The following PBXIP1 variants were observed in gnomAD, a reference collection of about 807,000 sequenced individuals.
The protein encoded by PBXIP1 is PBX homeobox interacting protein 1.
Under a neutral mutation model 73.7 loss-of-function variants are expected in PBXIP1, and 73 were observed. That is an observed-to-expected ratio of 0.99 (90% confidence interval 0.82 to 1.20). The LOEUF (loss-of-function observed/expected upper bound fraction) is 1.20, where lower values mean the gene tolerates loss of function less well. PBXIP1 is among the 50% of genes most tolerant of loss of function. The pLI, the probability that PBXIP1 is intolerant of heterozygous loss-of-function variation, is 0.00. For missense variants in PBXIP1, 818 were observed against 911.4 expected, an observed-to-expected ratio of 0.90 and a Z score of 1.32; for synonymous variants, 330 against 366.9, an observed-to-expected ratio of 0.90 and a Z score of 1.15.
chr1:154,951,403 G>A lies in PBXIP1; in HGVS notation c.244-6C>T, dbSNP rs1439472509. ...ACATCACCTTCCAGGGTGCCCTAAT[G>A]CAGATGCAGCAGTGAGCAGCTGCTA... On this transcript the variant is annotated splice_polypyrimidine_tract_variant and splice_region_variant and intron_variant, in intron 4 of 10. Coordinates refer to ENST00000368463, the MANE Select transcript of PBXIP1 (RefSeq NM_020524.4). This position sits in a 1 kb window ranked among gnomAD's most constrained non-coding sequence, Gnocchi z 4.3. 3 of 1,614,082 alleles carry A rather than the reference G, an allele frequency of 1.9e-6. No homozygotes were observed. The highest frequency in any genetic ancestry group is 2.5e-6 in the Non-Finnish European group (3 of 1,179,980).
At chr1:154,952,840 C>T (rs1655052371) in intron 2 of PBXIP1, among the ~76,000 whole-genome samples, 1 of 152,110 alleles carries the variant, frequency 6.6e-6, no homozygotes, top group East Asian at 1.9e-4. Context: ...AGTCCATTAT[C>T]TTGCTCCAGC....
chr1:154,946,358 T>C lies in PBXIP1; in HGVS notation c.1316A>G (p.Lys439Arg). 6.2e-7 allele frequency: 1 copy of C among 1,613,738 alleles called. No individual in the cohort carries two copies. Reference protein sequence around the residue: ...LAELGHRLAQKLQGLENWGQD... With the variant: ...LAELGHRLAQRLQGLENWGQD... The stretch of plus-strand genomic sequence containing the variant: ...GCCCCAGTTCTCCAGGCCCTGCAGT[T>C]TCTGGGCCAATCTGTGGCCCAGCTC... Residue 439 changes from lysine (K) to arginine (R), a missense_variant, in exon 10 of 11, where the codon AAA (lysine) becomes AGA (arginine). Transcript: ENST00000368463.
At chr1:154,950,783 CCT>C (rs1375991972) in intron 5 of PBXIP1, among the ~76,000 whole-genome samples, 2 of 152,272 alleles carry the variant, frequency 1.3e-5, no homozygotes, top group African/African-American at 4.8e-5. Context: ...CAACCAGTCC[CCT>C]GACTGAATGG....
chr1:154,946,325 G>C lies in PBXIP1; in HGVS notation c.1349C>G (p.Pro450Arg). 6 of 1,614,148 alleles carry C rather than the reference G, an allele frequency of 3.7e-6. No homozygotes were observed. The highest frequency in any genetic ancestry group is 5.1e-6 in the Non-Finnish European group (6 of 1,180,036). ...CTTTGAGGCATTGGCAGAGACCCCA[G>C]GGTCCTGGCCCCAGTTCTCCAGGCC... The part of the protein sequence containing the change: ...LQGLENWGQD[P>R]GVSANASKAW... The change falls in exon 10 of 11, where the codon CCT (proline) becomes CGT (arginine). Residue 450 changes from proline to arginine, a missense_variant. By Grantham distance (103) the Pro-to-Arg change is moderately radical. Coordinates refer to ENST00000368463, the MANE Select transcript of PBXIP1 (RefSeq NM_020524.4).
Position 154,944,861 on chromosome 1 carries a change from C to T in PBXIP1, c.*163G>A. 1.7e-6 allele frequency: 1 copy of T among 590,304 alleles called. No homozygotes were observed. Among genetic ancestry groups the T allele is most frequent in the South Asian group, 2.1e-5 (1 of 47,692 alleles). The allele number at this position is 590,304 out of a possible 1,614,324, so 36.6% of individuals were successfully genotyped here. On this transcript the variant is annotated 3_prime_UTR_variant, in exon 11 of 11. Transcript: ENST00000368463. Reference sequence around the variant, plus strand: ...ACGCAGGTCCAGCTAAGGCCTTTTTCTACATAAAGTGACATCAGTGCAGGG... The same window carrying T: ...ACGCAGGTCCAGCTAAGGCCTTTTTTTACATAAAGTGACATCAGTGCAGGG...
chr1:154,955,849 A>G (rs1655161615), intron 1 of PBXIP1, among the ~76,000 whole-genome samples: 1 of 152,206 alleles, frequency 6.6e-6, no homozygotes, highest in Non-Finnish European at 1.5e-5. Context: ...AAACTCCTCT[A>G]ACAGTTGCTC....
In PBXIP1 at chr1:154,951,266, G is replaced by C. The variant is rs1342510681; in HGVS notation, c.375C>G (p.Ser125Arg). 1 of 1,614,160 alleles carries C rather than the reference G, an allele frequency of 6.2e-7. No homozygotes were observed. The highest frequency in any genetic ancestry group is 1.7e-5 in the Admixed American group (1 of 60,026). Residue 125 changes from serine to arginine, a missense_variant, in exon 5 of 11, where the codon AGC (serine) becomes AGG (arginine). By Grantham distance (110) the Ser-to-Arg change is moderately radical. Transcript: ENST00000368463. The surrounding 1 kb of genome is among the most constrained non-coding windows in gnomAD (Gnocchi z 4.3). ...GPDTQDLEGQSPPQSLPSTPK... is the reference protein window; with the variant it reads ...GPDTQDLEGQRPPQSLPSTPK... ...GGGTTGAAGGCAGGCTCTGTGGAGGGCTCTGGCCTTCCAGGTCCTGTGTGT... is the reference window on the plus strand; with the variant it reads ...GGGTTGAAGGCAGGCTCTGTGGAGGCCTCTGGCCTTCCAGGTCCTGTGTGT...
In PBXIP1 at chr1:154,947,662, C is replaced by G. The variant is rs771209794; in HGVS notation, c.718G>C (p.Glu240Gln). 1 of 1,614,012 alleles carries G rather than the reference C, an allele frequency of 6.2e-7. No homozygotes were observed. The highest frequency in any genetic ancestry group is 1.7e-5 in the Admixed American group (1 of 60,016). The change falls in exon 8 of 11, where the codon GAA (glutamate) becomes CAA (glutamine). Residue 240 changes from glutamate to glutamine, a missense_variant. By Grantham distance (29) the Glu-to-Gln change is conservative (BLOSUM62 2). Transcript: ENST00000368463. ...CATACCTGCCTGTCCCCCACAGCTTCCAGCACCTCGGGGTCTGGGAGGACC... is the reference window on the plus strand; with the variant it reads ...CATACCTGCCTGTCCCCCACAGCTTGCAGCACCTCGGGGTCTGGGAGGACC... ...RQVLPDPEVL[E>Q]AVGDRQDGLR...
intron 1 of PBXIP1, 145 bp from the exon 2 acceptor site, chr1:154,953,902 C>G (rs1474496457): frequency 5.0e-6 from 3 of 594,496 alleles, no homozygotes; most frequent in Non-Finnish European, 9.0e-6. Flanking sequence ...CTCCCTGACA[C>G]CCCAGCTCTT....
chr1:154,948,339 G>A lies in PBXIP1; in HGVS notation c.437C>T (p.Ser146Phe), dbSNP rs1654902691. Residue 146 changes from serine (S) to phenylalanine (F), a missense_variant, in exon 6 of 11, where the codon TCC becomes TTC. Transcript: ENST00000368463. The part of the protein sequence containing the change: ...AAWIREEGRC[S>F]SSDDDTDVDM... ...CACGTCGGTGTCATCGTCACTGCTG[G>A]AGCAGCGGCCCTCCTCCCTGATCCA... 2 of 1,603,742 alleles carry A rather than the reference G, an allele frequency of 1.2e-6. No homozygotes were observed. The highest frequency in any genetic ancestry group is 1.3e-5 in the African/African-American group (1 of 74,784).
chr1:154,944,668 T>C lies in PBXIP1; in HGVS notation c.*356A>G, dbSNP rs1035612046. 2 of 197,064 alleles carry C rather than the reference T, an allele frequency of 1.0e-5. No homozygotes were observed. Among genetic ancestry groups the C allele is most frequent in the Non-Finnish European group, 2.1e-5 (2 of 95,080 alleles). The allele number at this position is 197,064 out of a possible 1,614,324, so 12.2% of individuals were successfully genotyped here. A position where few individuals can be genotyped will look rare whatever the true frequency, so the allele number is the denominator to read the frequency against. On this transcript the variant is annotated 3_prime_UTR_variant, in exon 11 of 11. Transcript: ENST00000368463. ...AGCATGTGGGTCAAGGGGCCCACTATGGGGACATACACTCAAGAGGATGAA... is the reference window on the plus strand; with the variant it reads ...AGCATGTGGGTCAAGGGGCCCACTACGGGGACATACACTCAAGAGGATGAA...
rs532128527 is a variant in PBXIP1 at position 154,944,080 on chromosome 1, T to G, written c.*944A>C. ...TTGAGTGCCCAAAACAGGAGAGGCATTTTTCTTGCGTTGCTTTTATTTAAT... is the reference window on the plus strand; with the variant it reads ...TTGAGTGCCCAAAACAGGAGAGGCAGTTTTCTTGCGTTGCTTTTATTTAAT... On this transcript the variant is annotated 3_prime_UTR_variant, in exon 11 of 11. Coordinates refer to ENST00000368463, the MANE Select transcript of PBXIP1 (RefSeq NM_020524.4). 42 of 152,334 alleles carry G rather than the reference T, an allele frequency of 2.8e-4. No individual in the cohort carries two copies. Among genetic ancestry groups the G allele is most frequent in the African/African-American group, 8.9e-4 (37 of 41,518 alleles). 9.4% of individuals were successfully genotyped at this position (152,334 alleles called of 1,614,324 possible).
intron 6 of PBXIP1, 49 bp downstream of exon 6, chr1:154,948,084 G>A (rs1410133495): frequency 1.9e-6 from 3 of 1,567,690 alleles, no homozygotes; most frequent in Non-Finnish European, 2.6e-6. Flanking sequence ...TGGCAGGAAG[G>A]CAGGCAGGCA....
Position 154,951,666 on chromosome 1 carries a change from A to G in PBXIP1, c.178+129T>C. ...AAAGCCAGGATGGAATGAGAAAAGG[A>G]GTTTGTCAACTGAGATTAATGGAGG... On this transcript the variant is annotated intron_variant, in intron 3 of 10. Coordinates refer to ENST00000368463, the MANE Select transcript of PBXIP1 (RefSeq NM_020524.4). The surrounding 1 kb of genome is among the most constrained non-coding windows in gnomAD (Gnocchi z 4.3). 1 of 1,411,542 alleles carries G rather than the reference A, an allele frequency of 7.1e-7. No individual in the cohort carries two copies. The allele number at this position is 1,411,542 out of a possible 1,614,324, so 87.4% of individuals were successfully genotyped here. A position where few individuals can be genotyped will look rare whatever the true frequency, so the allele number is the denominator to read the frequency against.
At position 154,951,441 on chromosome 1, in the gene PBXIP1, T is replaced by A; in HGVS notation, c.243+30A>T. 10 of 1,613,974 alleles carry A rather than the reference T, an allele frequency of 6.2e-6. No homozygotes were observed. Among genetic ancestry groups the A allele is most frequent in the Non-Finnish European group, 8.5e-6 (10 of 1,179,912 alleles). ...TGAGCAGCTGCTAGCCCTCCCCGCC[T>A]CCCTTCCTTCCCACAGCAAATCTCC... On this transcript the variant is annotated intron_variant, in intron 4 of 10. Transcript: ENST00000368463. The surrounding 1 kb of genome is among the most constrained non-coding windows in gnomAD (Gnocchi z 4.3).
Position 154,945,860 on chromosome 1 carries a change from G to GA in PBXIP1, c.1813_1814insT (p.Thr605IlefsTer41), listed in dbSNP as rs772904425. ...CTGTTGCCGCACTGGGGCTAGCTCT[G>GA]TGCCAAAGAAAGTCAGGCCCTCCTG... On this transcript the variant is annotated frameshift_variant, in exon 10 of 11. Coordinates refer to ENST00000368463, the MANE Select transcript of PBXIP1 (RefSeq NM_020524.4). LOFTEE classifies it high-confidence loss of function. The GA allele has an allele frequency of 3.1e-6, 5 of 1,614,062 alleles. No homozygotes were observed. The East Asian group carries it at 8.9e-5, about 29-fold the overall frequency.
intron 9 of PBXIP1, chr1:154,947,118 G>A: frequency 1.7e-6 from 1 of 596,412 alleles, no homozygotes; most frequent in Non-Finnish European, 3.1e-6. Context: ...ACTGATCATG[G>A]CACCTGGCAT....
chr1:154,952,934 C>A (rs1386823237), intron 2 of PBXIP1, among the ~76,000 whole-genome samples: 3 of 152,168 alleles, frequency 2.0e-5, no homozygotes, highest in Non-Finnish European at 4.4e-5. Flanking sequence ...GAGCTTCTCT[C>A]CTCCTCCCCT....
Position 154,948,154 on chromosome 1 carries a change from G to T in PBXIP1, c.622C>A (p.Leu208Met). The T allele has an allele frequency of 6.3e-7, 1 of 1,589,526 alleles. No homozygotes were observed. Among genetic ancestry groups the T allele is most frequent in the Non-Finnish European group, 8.6e-7 (1 of 1,166,658 alleles). The change falls in exon 6 of 11, where the codon CTG becomes ATG. Residue 208 changes from leucine (L) to methionine (M), a missense_variant. By Grantham distance (15) the Leu-to-Met change is conservative (BLOSUM62 2). Coordinates refer to ENST00000368463, the MANE Select transcript of PBXIP1 (RefSeq NM_020524.4). Reference sequence around the variant, plus strand: ...TCACCTGAGAAGAGGAGGACCCCCAGGCCAAGCAGAACCAGGGCCCCAAGG... The same window carrying T: ...TCACCTGAGAAGAGGAGGACCCCCATGCCAAGCAGAACCAGGGCCCCAAGG... Reference protein sequence around the residue: ...CLLGALVLLGLGVLLFSGGLS... With the variant: ...CLLGALVLLGMGVLLFSGGLS...
Sources: allele counts gnomAD v4.1 joint callset (sites outside exome capture counted in the v4.1 genomes callset), GRCh38; gene constraint gnomAD v4.1.1; non-coding constraint Gnocchi (gnomAD v3.1); transcripts MANE v1.5; gene names NCBI Gene and HGNC (gene_info 2026-07-23, HGNC 2026-07-21).